Variants in ALCAM observed in about 807,000 individuals in gnomAD.
ALCAM encodes the protein CD166 antigen.
A neutral mutation model predicts 70.9 loss-of-function variants in ALCAM; 30 were observed. That is an observed-to-expected ratio of 0.42 (90% CI 0.32 to 0.57). ALCAM has a LOEUF of 0.57. Ranked by LOEUF, ALCAM falls within the 20% of genes least tolerant of loss-of-function variation. ALCAM has a pLI of 0.11. For synonymous variants in ALCAM, 249 were observed against 242.5 expected (o/e 1.03, Z -0.25); for missense variants, 591 against 695.1 (o/e 0.85, Z 1.68).
At chr3:105,488,083 G>A (rs1270779579) in intron 1 of ALCAM, among the ~76,000 whole-genome samples, 1 of 152,056 alleles carries the variant, frequency 6.6e-6, no homozygotes, top group Non-Finnish European at 1.5e-5. Context: ...TTAGGTCCTG[G>A]GAGAACTGCT....
At chr3:105,529,466 CAATTGTCACA>C (rs1939785951) in intron 3 of ALCAM, among the ~76,000 whole-genome samples, 1 of 152,100 alleles carries the variant, frequency 6.6e-6, no homozygotes, top group Non-Finnish European at 1.5e-5. Flanking sequence ...TAATACTCAT[CAATTGTCACA>C]ACCTAATATA....
intron 1 of ALCAM, among the ~76,000 whole-genome samples, chr3:105,472,679 A>G (rs2152603912): frequency 6.6e-6 from 1 of 151,612 alleles, no homozygotes; most frequent in South Asian, 2.1e-4. Flanking sequence ...GGCAAGGAAC[A>G]TTCTTGTACG....
chr3:105,542,324 T>C (rs989149092), intron 8 of ALCAM, among the ~76,000 whole-genome samples: 1 of 151,848 alleles, frequency 6.6e-6, no homozygotes, highest in East Asian at 1.9e-4. Context: ...ACTTTTTAAC[T>C]TTTAATTTGC....
intron 14 of ALCAM, among the ~76,000 whole-genome samples, chr3:105,571,631 T>G (rs1241361026): frequency 6.6e-6 from 1 of 152,170 alleles, no homozygotes; most frequent in East Asian, 1.9e-4. Context: ...AATTGATTTT[T>G]TTTTCTCTTA....
At chr3:105,515,171 G>A (rs754216861) in intron 1 of ALCAM, among the ~76,000 whole-genome samples, 4 of 151,864 alleles carry the variant, frequency 2.6e-5, no homozygotes, top group Non-Finnish European at 5.9e-5. Flanking sequence ...TGAGAGATAA[G>A]ATAACTCCAT....
chr3:105,372,208 AT>A (rs542730101), intron 1 of ALCAM, among the ~76,000 whole-genome samples: 9 of 152,118 alleles, frequency 5.9e-5, no homozygotes, highest in Non-Finnish European at 1.2e-4. Flanking sequence ...GGAAGAGAAT[AT>A]TGCAGGCTGT....
At position 105,568,496 on chromosome 3, in the gene ALCAM, C is replaced by T. The variant is rs1576246926; in HGVS notation, c.1665-3356C>T. On this transcript the variant is annotated intron_variant, in intron 14 of 15. Coordinates refer to ENST00000306107, the MANE Select transcript of ALCAM (RefSeq NM_001627.4). Reference sequence around the variant, plus strand: ...TGGCTTGGTGAAGTTCAACTCCAAACTGTGTGGGTAGTACCTAAAAATCTA... The same window carrying T: ...TGGCTTGGTGAAGTTCAACTCCAAATTGTGTGGGTAGTACCTAAAAATCTA... Among the ~76,000 whole-genome samples, 4 of 152,158 alleles carry T rather than the reference C, an allele frequency of 2.6e-5. No individual in the cohort carries two copies. The East Asian group carries it at 5.8e-4, about 22-fold the overall frequency.
At chr3:105,409,579 A>T (rs552213106) in intron 1 of ALCAM, among the ~76,000 whole-genome samples, 8 of 152,194 alleles carry the variant, frequency 5.3e-5, no homozygotes, top group Non-Finnish European at 1.2e-4. Flanking sequence ...ATGGCAAGGG[A>T]TAAAGGATGA....
chr3:105,564,573 TG>T (rs1166031793), intron 14 of ALCAM, among the ~76,000 whole-genome samples: 1 of 152,244 alleles, frequency 6.6e-6, no homozygotes, highest in Non-Finnish European at 1.5e-5. Flanking sequence ...TTTATGATAA[TG>T]TTCTTATTTC....
chr3:105,509,635 G>A (rs1576210489), intron 1 of ALCAM, among the ~76,000 whole-genome samples: 1 of 151,764 alleles, frequency 6.6e-6, no homozygotes, highest in South Asian at 2.1e-4. Context: ...CCTTTATCAG[G>A]TATATGGTTT....
chr3:105,372,340 A>T (rs1258288660), intron 1 of ALCAM, among the ~76,000 whole-genome samples: 1 of 152,060 alleles, frequency 6.6e-6, no homozygotes, highest in African/African-American at 2.4e-5. Flanking sequence ...TAAATAATAA[A>T]TTTTACATTC....
In ALCAM at chr3:105,540,068, A is replaced by T; in HGVS notation, c.824A>T (p.Asn275Ile). The T allele has an allele frequency of 6.2e-7, 1 of 1,612,000 alleles. No individual in the cohort carries two copies. Among genetic ancestry groups the T allele is most frequent in the Non-Finnish European group, 8.5e-7 (1 of 1,178,616 alleles). The change falls in exon 7 of 16, where the codon AAC (asparagine) becomes ATC (isoleucine). Residue 275 changes from asparagine to isoleucine, a missense_variant. Physicochemically the swap from Asn to Ile is moderately radical, Grantham distance 149. Coordinates refer to ENST00000306107, the MANE Select transcript of ALCAM (RefSeq NM_001627.4). ...ACTCTTAAATGCTTAGGGAATGGCA[A>T]CCCTCCCCCAGAGGAATTTTTGTTT... is the stretch of plus-strand genomic sequence containing the variant. ...NITLKCLGNG[N>I]PPPEEFLFYL...
chr3:105,512,693 C>T (rs1323467335), intron 1 of ALCAM, among the ~76,000 whole-genome samples: 1 of 151,696 alleles, frequency 6.6e-6, no homozygotes, highest in East Asian at 1.9e-4. Flanking sequence ...AAATTTAGTT[C>T]TTTAGCAAGA....
intron 14 of ALCAM, among the ~76,000 whole-genome samples, chr3:105,571,106 G>A (rs138188054): frequency 5.9e-5 from 9 of 152,268 alleles, no homozygotes; most frequent in Admixed American, 2.0e-4. Context: ...CAAAGTAGCC[G>A]CTAAGGCATT....
At chr3:105,389,413 G>A (rs1389092962) in intron 1 of ALCAM, among the ~76,000 whole-genome samples, 7 of 97,708 alleles carry the variant, frequency 7.2e-5, no homozygotes, top group Non-Finnish European at 1.1e-4. Flanking sequence ...AAAACACACA[G>A]GAACCTTAAT....
intron 1 of ALCAM, among the ~76,000 whole-genome samples, chr3:105,515,112 T>C (rs1428929023): frequency 1.3e-5 from 2 of 151,876 alleles, no homozygotes; most frequent in Non-Finnish European, 2.9e-5. Context: ...CCTCATGACC[T>C]TGATGAGAAT....
intron 1 of ALCAM, among the ~76,000 whole-genome samples, chr3:105,498,453 G>A (rs1227524351): frequency 6.6e-6 from 1 of 152,152 alleles, no homozygotes; most frequent in Non-Finnish European, 1.5e-5. Context: ...TTTGTCTTGA[G>A]TTTGGTATCC....
intron 3 of ALCAM, among the ~76,000 whole-genome samples, chr3:105,527,555 T>A (rs1208096213): frequency 6.6e-6 from 1 of 151,918 alleles, no homozygotes; most frequent in African/African-American, 2.4e-5. Flanking sequence ...GAGGCTTCAG[T>A]CTATTTCAAC....
intron 1 of ALCAM, among the ~76,000 whole-genome samples, chr3:105,447,287 A>G (rs938542614): frequency 1.3e-5 from 2 of 152,202 alleles, no homozygotes; most frequent in African/African-American, 2.4e-5. Flanking sequence ...ATACTAAAAA[A>G]AAATTAGAAT....
Sources: gnomAD v4.1 joint callset for allele counts (sites outside exome capture counted in the v4.1 genomes callset) on GRCh38, gnomAD v4.1.1 for gene constraint, MANE v1.5 for transcripts, NCBI Gene and HGNC (gene_info 2026-07-23, HGNC 2026-07-21) for gene names.